Variants in KDM2B observed in about 807,000 individuals in gnomAD.
KDM2B encodes lysine-specific demethylase 2B.
In KDM2B, 26 loss-of-function variants were observed where a neutral mutation model predicts 150.0. The ratio of observed to expected loss-of-function variants is 0.17; its 90% CI spans 0.13 to 0.24. The LOEUF is 0.24. Among genes scored for constraint, KDM2B ranks in the 10% least tolerant of loss-of-function variants. The pLI is 1.00. For missense variants in KDM2B, 1,265 were observed against 1,816.9 expected (o/e 0.70, Z 5.52); for synonymous variants, 734 against 729.5 (o/e 1.01, Z -0.10).
chr12:121,428,340 G>A (rs1369430159), downstream of KDM2B, among the ~76,000 whole-genome samples: 1 of 152,070 alleles, frequency 6.6e-6, no homozygotes, highest in South Asian at 2.1e-4. Context: ...CTACAGGCAT[G>A]CACCACCACT....
At chr12:121,506,617 C>G (rs1180877716) in intron 11 of KDM2B, among the ~76,000 whole-genome samples, 3 of 151,890 alleles carry the variant, frequency 2.0e-5, no homozygotes, top group African/African-American at 7.3e-5. Context: ...TCCTGGCCAA[C>G]ACGGTGAAAC....
At chr12:121,506,007 T>C (rs1232475313) in intron 11 of KDM2B, among the ~76,000 whole-genome samples, 1 of 151,388 alleles carries the variant, frequency 6.6e-6, no homozygotes, top group Non-Finnish European at 1.5e-5. Context: ...ATCGTTTTTT[T>C]GTTTGCTTTT....
chr12:121,455,487 G>A (rs1878081475), intron 12 of KDM2B, among the ~76,000 whole-genome samples: 1 of 152,198 alleles, frequency 6.6e-6, no homozygotes, highest in South Asian at 2.1e-4. Context: ...GAGGTGGGAG[G>A]ATCACTTGAG....
chr12:121,441,830 CAG>C (rs1231521644), intron 19 of KDM2B, among the ~76,000 whole-genome samples: 1 of 152,226 alleles, frequency 6.6e-6, no homozygotes, highest in East Asian at 1.9e-4. Flanking sequence ...GAGGGTAAGG[CAG>C]AGCTAAGGCC....
At chr12:121,466,936 G>GCT (rs1316333138) in intron 12 of KDM2B, among the ~76,000 whole-genome samples, 1 of 147,638 alleles carries the variant, frequency 6.8e-6, no homozygotes, top group Non-Finnish European at 1.5e-5. Context: ...CCCCCAGTGC[G>GCT]CTCGCTCGGC....
At chr12:121,424,831 T>C (rs1190570115), downstream of KDM2B, among the ~76,000 whole-genome samples, 2 of 152,238 alleles carry the variant, frequency 1.3e-5, no homozygotes, top group African/African-American at 4.8e-5. Context: ...GTCCAGGTAT[T>C]GCGCTAGGTG....
At chr12:121,517,040 G>C (rs544054413) in intron 9 of KDM2B, among the ~76,000 whole-genome samples, 24 of 152,144 alleles carry the variant, frequency 1.6e-4, no homozygotes, top group Non-Finnish European at 2.8e-4. Context: ...CACTGGGAGG[G>C]GGGGAAAGAT....
rs57141761 is a variant in KDM2B at position 121,430,129 on chromosome 12, A to G, written c.*159T>C. 3.1e-3 allele frequency: 5,065 copies of G among 1,613,900 alleles called. 145 individuals are homozygous for G. In the African/African-American group the frequency reaches 0.06, roughly 19 times the overall value. ...GAAAGTGTCGGCTCACTCATCCCCC[A>G]AACGGGTGGTTGAACAGCTTCTCCC... On this transcript the variant is annotated 3_prime_UTR_variant, in exon 23 of 23. Transcript: ENST00000377071. The surrounding 1 kb of genome is among the most constrained non-coding windows in gnomAD (Gnocchi z 4.4).
the KDM2B span, chr12:121,423,672 C>T: frequency 1.9e-6 from 2 of 1,063,974 alleles, no homozygotes; most frequent in East Asian, 5.2e-5. The surrounding 1 kb of genome is among the most constrained non-coding windows in gnomAD (Gnocchi z 4.3). Context: ...AAGGCTGAAG[C>T]TATTTTAAAA....
intron 22 of KDM2B, among the ~76,000 whole-genome samples, 188 bp downstream of exon 22, chr12:121,439,669 C>G: frequency 6.6e-6 from 1 of 152,266 alleles, no homozygotes; most frequent in East Asian, 1.9e-4. Context: ...CGTGAGCTAC[C>G]GCACCCGGCC....
intron 4 of KDM2B, among the ~76,000 whole-genome samples, chr12:121,557,072 T>A (rs1029546369): frequency 6.6e-6 from 1 of 151,828 alleles, no homozygotes. Flanking sequence ...TTGCTAACGG[T>A]TTTGGCTACC....
rs1484919707 is a variant in KDM2B at position 121,532,667 on chromosome 12, AGCCCACG to A, written c.931+132_931+138del. ...GGAAAACTGCACGGCTTTTCCCTCC[AGCCCACG>A]GCTGGCTCCCCTCGGGGACTGCCAA... On this transcript the variant is annotated intron_variant, in intron 8 of 22. Coordinates refer to ENST00000377071, the MANE Select transcript of KDM2B (RefSeq NM_032590.5). 6 of 824,334 alleles carry A rather than the reference AGCCCACG, an allele frequency of 7.3e-6. No homozygotes were observed. The East Asian group carries it at 1.2e-4, about 17-fold the overall frequency. The allele number at this position is 824,334 out of a possible 1,614,324, so 51.1% of individuals were successfully genotyped here. A position where few individuals can be genotyped will look rare whatever the true frequency, so the allele number is the denominator to read the frequency against.
chr12:121,527,969 A>C (rs1259971736), intron 8 of KDM2B, among the ~76,000 whole-genome samples: 2 of 152,276 alleles, frequency 1.3e-5, no homozygotes, highest in African/African-American at 4.8e-5. Flanking sequence ...CCAGGTACTT[A>C]AAGTTTCCAA....
At chr12:121,475,032 A>G (rs1323270546) in intron 12 of KDM2B, among the ~76,000 whole-genome samples, 1 of 152,200 alleles carries the variant, frequency 6.6e-6, no homozygotes, top group Non-Finnish European at 1.5e-5. Context: ...ATGCTGTACA[A>G]GTTTGCAGCC....
At chr12:121,469,889 G>A (rs1358768858) in intron 12 of KDM2B, 2 of 152,176 alleles carry the variant, frequency 1.3e-5, no homozygotes, top group African/African-American at 2.4e-5. Flanking sequence ...TTGAGGTTAG[G>A]AGTTCAAGAC....
At chr12:121,416,597 G>A in the KDM2B span, 1 of 483,254 alleles carries the variant, frequency 2.1e-6, no homozygotes, top group South Asian at 2.5e-5. Flanking sequence ...CCTTTCTCCT[G>A]AACTTTGACC....
intron 12 of KDM2B, among the ~76,000 whole-genome samples, chr12:121,478,627 G>A (rs1221222409): frequency 6.6e-6 from 1 of 152,004 alleles, no homozygotes; most frequent in Non-Finnish European, 1.5e-5. Context: ...CCAAAGTGCT[G>A]GGATTACAGG....
At chr12:121,459,105 C>CA (rs1663077634) in intron 12 of KDM2B, among the ~76,000 whole-genome samples, 1 of 137,812 alleles carries the variant, frequency 7.3e-6, no homozygotes, top group African/African-American at 2.7e-5. Flanking sequence ...AAAAAAAAGA[C>CA]ACACACTTTC....
chr12:121,478,979 A>G (rs1555297338), intron 12 of KDM2B, among the ~76,000 whole-genome samples: 1 of 151,380 alleles, frequency 6.6e-6, no homozygotes, highest in African/African-American at 2.4e-5. Flanking sequence ...TGGCCTCCCA[A>G]AGTACTGAGA....
Sources: allele counts gnomAD v4.1 joint callset (sites outside exome capture counted in the v4.1 genomes callset), GRCh38; gene constraint gnomAD v4.1.1; non-coding constraint Gnocchi (gnomAD v3.1); transcripts MANE v1.5; gene names NCBI Gene and HGNC (gene_info 2026-07-23, HGNC 2026-07-21).